The following CADM2 variants were observed in gnomAD, a reference collection of about 807,000 sequenced individuals.
The protein encoded by CADM2 is immunoglobulin superfamily member 4D.
A neutral mutation model predicts 49.8 loss-of-function variants in CADM2; 12 were observed. The observed-to-expected ratio is 0.24, with a 90% CI of 0.15 to 0.39. The LOEUF is 0.39. CADM2 is among the 10% of genes least tolerant of loss of function. The pLI is 1.00. For missense variants in CADM2, 378 were observed against 492.3 expected (o/e 0.77, Z 2.20); for synonymous variants, 214 against 175.4 (o/e 1.22, Z -1.74).
intron 5 of CADM2, among the ~76,000 whole-genome samples, chr3:85,896,509 C>G (rs531264801): frequency 6.6e-6 from 1 of 152,124 alleles, no homozygotes; most frequent in Non-Finnish European, 1.5e-5. Flanking sequence ...TCTCCACATG[C>G]GTTCCCTGCC....
intron 7 of CADM2, among the ~76,000 whole-genome samples, chr3:85,945,881 C>A (rs1166851230): frequency 6.6e-6 from 1 of 152,032 alleles, no homozygotes; most frequent in Non-Finnish European, 1.5e-5. Context: ...GACAGGGATG[C>A]CCTCTCTCAC....
chr3:85,911,803 G>A (rs12186084), intron 5 of CADM2, among the ~76,000 whole-genome samples: 4,020 of 152,204 alleles, frequency 0.026, 75 homozygotes, highest in Non-Finnish European at 0.043. Context: ...TTTTAATGGA[G>A]TATATAAGAA....
At chr3:85,474,476 A>G (rs192131167) in intron 1 of CADM2, among the ~76,000 whole-genome samples, 127 of 152,086 alleles carry the variant, frequency 8.4e-4, no homozygotes, top group Non-Finnish European at 1.6e-3. Context: ...TTTCATCCAT[A>G]AAGCACCTCC....
intron 1 of CADM2, among the ~76,000 whole-genome samples, chr3:85,199,472 A>ATT (rs2041436601): frequency 6.7e-6 from 1 of 149,870 alleles, no homozygotes; most frequent in Admixed American, 6.7e-5. Context: ...GTAATTTCAA[A>ATT]ATTTTTTTTT....
At chr3:85,971,198 G>A (rs78478067) in intron 8 of CADM2, among the ~76,000 whole-genome samples, 108 of 151,632 alleles carry the variant, frequency 7.1e-4, no homozygotes, top group African/African-American at 2.5e-3. Context: ...ATTGCATTTT[G>A]AATCTGAACC....
intron 1 of CADM2, among the ~76,000 whole-genome samples, chr3:85,600,376 C>T (rs1050762892): frequency 6.6e-6 from 1 of 151,940 alleles, no homozygotes; most frequent in African/African-American, 2.4e-5. Context: ...TTCGTCAGCA[C>T]TTTGCCTGCC....
intron 1 of CADM2, among the ~76,000 whole-genome samples, chr3:85,507,503 CA>C (rs1180654905): frequency 2.6e-5 from 4 of 151,814 alleles, no homozygotes; most frequent in Non-Finnish European, 5.9e-5. Context: ...TAAACGACAA[CA>C]AAAAAATACA....
At chr3:85,904,128 T>C (rs1434416100) in intron 5 of CADM2, among the ~76,000 whole-genome samples, 1 of 152,126 alleles carries the variant, frequency 6.6e-6, no homozygotes, top group Non-Finnish European at 1.5e-5. Context: ...CTTAGAGAGC[T>C]TCAGAAAAAC....
At chr3:85,173,988 A>C (rs2040707141) in intron 1 of CADM2, among the ~76,000 whole-genome samples, 1 of 152,120 alleles carries the variant, frequency 6.6e-6, no homozygotes, top group Admixed American at 6.6e-5. Context: ...GAGGTAATCT[A>C]TTCTAACCTC....
intron 6 of CADM2, among the ~76,000 whole-genome samples, chr3:85,933,564 G>C (rs1720854197): frequency 6.6e-6 from 1 of 152,088 alleles, no homozygotes; most frequent in Non-Finnish European, 1.5e-5. Context: ...CCAATAGGCT[G>C]TACATACATA....
chr3:85,598,342 TAAA>T (rs2063302498), intron 1 of CADM2, among the ~76,000 whole-genome samples: 1 of 151,922 alleles, frequency 6.6e-6, no homozygotes, highest in Non-Finnish European at 1.5e-5. Context: ...GAAATGTATC[TAAA>T]AATAAGCACT....
chr3:85,474,633 T>G (rs62250718), intron 1 of CADM2, among the ~76,000 whole-genome samples: 1 of 151,806 alleles, frequency 6.6e-6, no homozygotes, highest in Non-Finnish European at 1.5e-5. Flanking sequence ...ATTACATGTT[T>G]GAAACATGAT....
chr3:85,355,564 T>C (rs1436971341), intron 1 of CADM2, among the ~76,000 whole-genome samples: 1 of 152,126 alleles, frequency 6.6e-6, no homozygotes, highest in Non-Finnish European at 1.5e-5. Context: ...AATTCATGGG[T>C]TCTTACTTTG....
intron 1 of CADM2, among the ~76,000 whole-genome samples, chr3:85,414,544 G>A (rs2035830050): frequency 6.6e-6 from 1 of 151,854 alleles, no homozygotes; most frequent in Non-Finnish European, 1.5e-5. Flanking sequence ...AATACAAGTT[G>A]ATTTTTTTTA....
intron 8 of CADM2, among the ~76,000 whole-genome samples, chr3:85,976,165 A>T (rs1045192877): frequency 6.6e-6 from 1 of 151,574 alleles, no homozygotes; most frequent in African/African-American, 2.4e-5. Flanking sequence ...GAATATTTTA[A>T]GCGGTATCAT....
intron 3 of CADM2, among the ~76,000 whole-genome samples, chr3:85,843,026 T>A (rs991120359): frequency 2.0e-5 from 3 of 152,130 alleles, no homozygotes; most frequent in Admixed American, 2.0e-4. Context: ...TAGTAGTACC[T>A]ATGTATATTG....
At chr3:85,492,633 G>C (rs887319887) in intron 1 of CADM2, among the ~76,000 whole-genome samples, 6 of 151,938 alleles carry the variant, frequency 3.9e-5, no homozygotes, top group Non-Finnish European at 7.4e-5. Context: ...AATATTTCTA[G>C]GTAAAGATAC....
intron 3 of CADM2, among the ~76,000 whole-genome samples, chr3:85,823,007 G>A (rs1290834228): frequency 1.3e-5 from 2 of 152,136 alleles, no homozygotes; most frequent in Admixed American, 6.6e-5. Flanking sequence ...CTTGCAATCA[G>A]TAGAAAGATC....
chr3:85,352,845 T>G (rs1433049356), intron 1 of CADM2, among the ~76,000 whole-genome samples: 1 of 152,150 alleles, frequency 6.6e-6, no homozygotes, highest in Admixed American at 6.6e-5. Context: ...TTCTGGTTAT[T>G]AATTAACTTG....
Sources: gnomAD v4.1 joint callset for allele counts (sites outside exome capture counted in the v4.1 genomes callset) on GRCh38, gnomAD v4.1.1 for gene constraint, MANE v1.5 for transcripts, NCBI Gene and HGNC (gene_info 2026-07-23, HGNC 2026-07-21) for gene names.